BCOR: variants seen among roughly 807,000 people sequenced by gnomAD.
BCOR encodes the protein BCL-6 corepressor.
BCOR carries 10 observed loss-of-function variants against 86.7 expected under a neutral mutation model. That is an observed-to-expected ratio of 0.12 (90% CI 0.07 to 0.20). The LOEUF is 0.20. BCOR is among the 10% of genes least tolerant of loss of function. The pLI is 1.00. For missense variants in BCOR, 1,259 were observed against 1,452.1 expected (o/e 0.87, Z 2.16); for synonymous variants, 611 against 609.0 (o/e 1.00, Z -0.05).
chrX:40,082,647 C>T (rs1936156776), intron 1 of BCOR, among the ~76,000 whole-genome samples: 1 of 111,219 alleles, frequency 9.0e-6, no homozygotes, highest in Non-Finnish European at 1.9e-5. Context: ...TCACCACAGC[C>T]TCCCGGCTCC....
At position 40,074,572 on chromosome X, in the gene BCOR, T is replaced by C. The variant is rs968312734; in HGVS notation, c.774A>G (p.Pro258=). The change falls in exon 4 of 15, where the codon CCA becomes CCG. Residue 258 remains proline (P), a synonymous_variant. Coordinates refer to ENST00000378444, the MANE Select transcript of BCOR (RefSeq NM_001123385.2). The part of the protein sequence containing the change: ...PPPHYVGPHI[P]SSLASPMRLS... ...GCCTCATGGGTGATGCCAAGGACGATGGGATGTGGGGACCGACGTAGTGAG... is the reference window on the plus strand; with the variant it reads ...GCCTCATGGGTGATGCCAAGGACGACGGGATGTGGGGACCGACGTAGTGAG... 9.9e-6 allele frequency: 12 copies of C among 1,209,976 alleles called. No individual in the cohort carries two copies. The highest frequency in any genetic ancestry group is 5.2e-5 in the African/African-American group (3 of 57,285).
upstream of BCOR, among the ~76,000 whole-genome samples, chrX:40,102,601 G>A (rs1464315105): frequency 3.5e-5 from 4 of 113,836 alleles, no homozygotes; most frequent in East Asian, 8.3e-4. Context: ...AGGGGGCGGG[G>A]AACCACCAAC....
intron 1 of BCOR, among the ~76,000 whole-genome samples, chrX:40,083,810 C>A (rs748012143): frequency 8.9e-6 from 1 of 112,295 alleles, no homozygotes; most frequent in South Asian, 3.7e-4. Context: ...CCAGCAGCCT[C>A]CCCGGAGGCG....
chrX:40,066,708 G>A (rs191404483), intron 6 of BCOR, among the ~76,000 whole-genome samples: 2 of 111,850 alleles, frequency 1.8e-5, no homozygotes, highest in African/African-American at 3.2e-5. Flanking sequence ...ACTGTGTTAC[G>A]AAGCGCCACA....
chrX:40,140,229 G>A (rs1375435063), intron 1 of BCOR, among the ~76,000 whole-genome samples: 3 of 108,036 alleles, frequency 2.8e-5, no homozygotes, highest in African/African-American at 6.8e-5. Flanking sequence ...AGGCCGAGGC[G>A]GGAGGATCAC....
intron 1 of BCOR, among the ~76,000 whole-genome samples, chrX:40,112,703 C>G (rs1054391592): frequency 6.3e-5 from 7 of 111,575 alleles, no homozygotes; most frequent in Non-Finnish European, 1.1e-4. Flanking sequence ...AGTGTAGCAC[C>G]GCGCCCAGCC....
intron 1 of BCOR, among the ~76,000 whole-genome samples, chrX:40,131,339 A>C (rs1310595064): frequency 8.9e-6 from 1 of 112,307 alleles, no homozygotes; most frequent in East Asian, 2.8e-4. Context: ...TTTACTATCC[A>C]AAAGGACTAG....
chrX:40,094,043 C>T (rs1195453295), intron 1 of BCOR, among the ~76,000 whole-genome samples: 1 of 111,576 alleles, frequency 9.0e-6, no homozygotes, highest in Non-Finnish European at 1.9e-5. Flanking sequence ...GGCCCAGACT[C>T]ACAGCTCCTC....
rs765979131 is a variant in BCOR at position 40,055,447 on chromosome X, A to G, written c.4662T>C (p.Ala1554=). The G allele has an allele frequency of 1.2e-5, 14 of 1,209,662 alleles. No homozygotes were observed. The East Asian group carries it at 3.8e-4, about 33-fold the overall frequency. Residue 1554 remains alanine, a synonymous_variant, in exon 12 of 15, where the codon GCT becomes GCC. Coordinates refer to ENST00000378444, the MANE Select transcript of BCOR (RefSeq NM_001123385.2). ...CTGAGTACGTAGCCAAGGTGGGGTC[A>G]GCACCATAAGAGAGAAGTAGTCGGA... ...EIVRLLLSYG[A]DPTLATYSGR...
At chrX:40,142,051 C>G (rs184163737) in intron 1 of BCOR, among the ~76,000 whole-genome samples, 1 of 112,458 alleles carries the variant, frequency 8.9e-6, no homozygotes, top group Admixed American at 9.4e-5. Context: ...GGAGAGTCTT[C>G]CCTGCTCAGT....
At chrX:40,062,492 A>G (rs2147022757) in intron 9 of BCOR, 99 bp from the exon 10 acceptor site, 1 of 1,043,534 alleles carries the variant, frequency 9.6e-7, no homozygotes, top group Non-Finnish European at 1.3e-6. Flanking sequence ...GCGTGGAGAG[A>G]GGCACTTTAT....
In BCOR at chrX:40,110,667, C is replaced by CTTTTTTTTTTTTTT. The variant is rs546960508; in HGVS notation, c.-40-32712_-40-32699dup. On this transcript the variant is annotated intron_variant, in intron 1 of 14. Transcript: ENST00000342274. Reference sequence around the variant, plus strand: ...TTCTTTTTTTTCTTTTTTCCTTTTTCTTTTTTTTTTTTTTTTTTTTTTTTT... The same window carrying CTTTTTTTTTTTTTT: ...TTCTTTTTTTTCTTTTTTCCTTTTTCTTTTTTTTTTTTTTTTTTTTTTTTTTTTTTTTTTTTTTT... Among the ~76,000 whole-genome samples, 7 of 29,549 alleles carry CTTTTTTTTTTTTTT rather than the reference C, an allele frequency of 2.4e-4. 2 individuals carry two copies. The highest frequency in any genetic ancestry group is 4.8e-4 in the Non-Finnish European group (7 of 14,555). 25.7% of individuals were successfully genotyped at this position (29,549 alleles called of 115,157 possible).
At chrX:40,101,646 G>A (rs1335766624), upstream of BCOR, among the ~76,000 whole-genome samples, 1 of 112,795 alleles carries the variant, frequency 8.9e-6, no homozygotes, top group Non-Finnish European at 1.9e-5. Flanking sequence ...ACCCGCTAGG[G>A]CCTCTCCCAC....
At position 40,072,968 on chromosome X, in the gene BCOR, T is replaced by G; in HGVS notation, c.2378A>C (p.Gln793Pro). The change falls in exon 4 of 15, where the codon CAA becomes CCA. Residue 793 changes from glutamine (Q) to proline (P), a missense_variant. Transcript: ENST00000378444. ...KNLKPNPNWN[Q>P]GKTVVKSDKL... ...GTCGCTTTTGACAACAGTCTTCCCTTGATTCCAGTTGGGGTTCGGCTTTAG... is the reference window on the plus strand; with the variant it reads ...GTCGCTTTTGACAACAGTCTTCCCTGGATTCCAGTTGGGGTTCGGCTTTAG... 1 of 1,211,850 alleles carries G rather than the reference T, an allele frequency of 8.3e-7. No homozygotes were observed. The highest frequency in any genetic ancestry group is 1.1e-6 in the Non-Finnish European group (1 of 895,480).
At chrX:40,088,172 C>T (rs1170598697) in intron 1 of BCOR, among the ~76,000 whole-genome samples, 1 of 112,192 alleles carries the variant, frequency 8.9e-6, no homozygotes, top group Non-Finnish European at 1.9e-5. Context: ...GAGCTCCCCA[C>T]CTTCACCCCC....
At chrX:40,126,006 T>C (rs1292457715) in intron 1 of BCOR, among the ~76,000 whole-genome samples, 5 of 105,451 alleles carry the variant, frequency 4.7e-5, no homozygotes, top group African/African-American at 1.7e-4. Context: ...GGTCGAGAGA[T>C]TGAGACCATC....
upstream of BCOR, among the ~76,000 whole-genome samples, chrX:40,102,885 C>T (rs1264613327): frequency 4.4e-5 from 5 of 113,132 alleles, no homozygotes; most frequent in Admixed American, 4.6e-4. Flanking sequence ...AGGTGAGTGG[C>T]GCGGGATGGT....
At chrX:40,111,578 A>G (rs949697515) in intron 1 of BCOR, among the ~76,000 whole-genome samples, 18 of 111,271 alleles carry the variant, frequency 1.6e-4, no homozygotes, top group Non-Finnish European at 9.4e-5. Flanking sequence ...AATAATAAAG[A>G]AGATCTGCTC....
intron 1 of BCOR, among the ~76,000 whole-genome samples, chrX:40,089,018 A>G (rs1936482824): frequency 8.9e-6 from 1 of 112,087 alleles, no homozygotes. Context: ...ACAAAGGGAA[A>G]GGGGAACCCA....
Sources: allele counts gnomAD v4.1 joint callset (sites outside exome capture counted in the v4.1 genomes callset), GRCh38; gene constraint gnomAD v4.1.1; transcripts MANE v1.5; gene names NCBI Gene and HGNC (gene_info 2026-07-23, HGNC 2026-07-21).